Variants in ST3GAL3 observed in about 807,000 individuals in gnomAD.
ST3GAL3 encodes CMP-N-acetylneuraminate-beta-1,4-galactoside alpha-2,3-sialyltransferase.
Under a neutral mutation model 50.1 loss-of-function variants are expected in ST3GAL3, and 21 were observed. That is an observed-to-expected ratio of 0.42 (90% CI 0.30 to 0.60). The LOEUF (loss-of-function observed/expected upper bound fraction) is 0.60, where lower values mean the gene tolerates loss of function less well. ST3GAL3 is among the 20% of genes least tolerant of loss of function. The pLI is 0.19. For synonymous variants in ST3GAL3, 183 were observed against 190.0 expected, an observed-to-expected ratio of 0.96 and a Z score of 0.30; for missense variants, 353 against 489.4, an observed-to-expected ratio of 0.72 and a Z score of 2.63.
intron 9 of ST3GAL3, among the ~76,000 whole-genome samples, chr1:43,918,788 A>G (rs2082516812): frequency 6.6e-6 from 1 of 152,074 alleles, no homozygotes; most frequent in African/African-American, 2.4e-5. Context: ...TTAATCTGGG[A>G]GGAGCTGGCA....
At chr1:43,811,780 T>C (rs2060588598) in intron 3 of ST3GAL3, among the ~76,000 whole-genome samples, 1 of 152,174 alleles carries the variant, frequency 6.6e-6, no homozygotes, top group Non-Finnish European at 1.5e-5. Flanking sequence ...TTAGGCATCC[T>C]TCAGAGGCTG....
chr1:43,858,303 G>A (rs963971430), intron 5 of ST3GAL3: 1 of 1,275,314 alleles, frequency 7.8e-7, no homozygotes, highest in African/African-American at 1.5e-5. Context: ...AACTATGCTG[G>A]GAAAGGTGGG....
chr1:43,764,616 G>A lies in ST3GAL3; in HGVS notation c.119-27486G>A, dbSNP rs181419050. Among the ~76,000 whole-genome samples the A allele has an allele frequency of 2.9e-4, 44 of 152,356 alleles. No homozygotes were observed. The South Asian group carries it at 4.1e-3, about 14-fold the overall frequency. Reference sequence around the variant, plus strand: ...ATTGTATAGGGGGAAAAATCGGGCCGTGATTCAGTCTCAGTAAAAGGCCTC... The same window carrying A: ...ATTGTATAGGGGGAAAAATCGGGCCATGATTCAGTCTCAGTAAAAGGCCTC... On this transcript the variant is annotated intron_variant, in intron 2 of 11. Transcript: ENST00000347631.
chr1:43,764,945 A>G (rs1180820469), intron 2 of ST3GAL3, among the ~76,000 whole-genome samples: 1 of 152,252 alleles, frequency 6.6e-6, no homozygotes, highest in Non-Finnish European at 1.5e-5. Flanking sequence ...GTAGAGTAAT[A>G]GAAGACAGCT....
intron 2 of ST3GAL3, among the ~76,000 whole-genome samples, chr1:43,740,750 A>G (rs1680518820): frequency 6.6e-6 from 1 of 151,980 alleles, no homozygotes; most frequent in South Asian, 2.1e-4. Context: ...CAGGATTTCA[A>G]GGTTGCAGTG....
chr1:43,797,190 C>A (rs2058772277), intron 3 of ST3GAL3, among the ~76,000 whole-genome samples: 1 of 151,902 alleles, frequency 6.6e-6, no homozygotes, highest in Non-Finnish European at 1.5e-5. Flanking sequence ...GACAGTGAGA[C>A]CCTATCTCTA....
chr1:43,872,396 A>G lies in ST3GAL3; in HGVS notation c.303-21987A>G, dbSNP rs112153910. ...GTCTCAGGGCAGAGAGAGTCCTGCC[A>G]GGGCTGCTGGTGAGGCACCTGCTGC... On this transcript the variant is annotated intron_variant, in intron 5 of 11. Coordinates refer to ENST00000347631, the MANE Select transcript of ST3GAL3 (RefSeq NM_006279.5). Among the ~76,000 whole-genome samples the G allele has an allele frequency of 7.2e-3, 1,094 of 151,212 alleles. 14 individuals are homozygous for G. The highest frequency in any genetic ancestry group is 0.025 in the African/African-American group (1,039 of 41,062).
chr1:43,806,041 C>G (rs922119646), intron 3 of ST3GAL3, among the ~76,000 whole-genome samples: 1 of 151,952 alleles, frequency 6.6e-6, no homozygotes, highest in African/African-American at 2.4e-5. Context: ...GCAAGGAATA[C>G]TTTTCTAAAA....
intron 5 of ST3GAL3, chr1:43,879,318 C>CA (rs2074686220): frequency 2.2e-6 from 1 of 455,616 alleles, no homozygotes; most frequent in Admixed American, 2.4e-5. Context: ...TGTGGTTTGG[C>CA]TTTTTTTTGG....
chr1:43,851,012 A>C, intron 5 of ST3GAL3: 1 of 846,262 alleles, frequency 1.2e-6, no homozygotes. Flanking sequence ...TCAAATGGGG[A>C]GGGCACCACG....
intron 1 of ST3GAL3, among the ~76,000 whole-genome samples, chr1:43,730,031 A>G (rs976623416): frequency 3.9e-5 from 6 of 152,176 alleles, no homozygotes; most frequent in African/African-American, 1.2e-4. Context: ...CATCTCTCAC[A>G]GGATCTCGGG....
At chr1:43,907,621 G>A (rs1385639687) in intron 9 of ST3GAL3, among the ~76,000 whole-genome samples, 7 of 152,102 alleles carry the variant, frequency 4.6e-5, no homozygotes, top group African/African-American at 1.7e-4. Context: ...AAACTTACCT[G>A]CATCCCCATT....
intron 5 of ST3GAL3, chr1:43,839,007 A>G (rs1210646930): frequency 6.4e-6 from 1 of 156,538 alleles, no homozygotes; most frequent in Non-Finnish European, 1.4e-5. Context: ...GCTGAAGGAA[A>G]GGCTGCCTAG....
At chr1:43,894,150 C>A (rs974771123) in intron 5 of ST3GAL3, 7 of 555,832 alleles carry the variant, frequency 1.3e-5, no homozygotes, top group Non-Finnish European at 2.3e-5. Flanking sequence ...TCCACTCCTA[C>A]AGCTAGCCAA....
chr1:43,929,998 A>T, intron 11 of ST3GAL3, 134 bp from the exon 12 acceptor site: 1 of 791,484 alleles, frequency 1.3e-6, no homozygotes, highest in Middle Eastern at 2.2e-4. Context: ...GACACAACTG[A>T]TTACCAGTAT....
chr1:43,851,744 C>A, intron 5 of ST3GAL3: 1 of 966,328 alleles, frequency 1.0e-6, no homozygotes, highest in Admixed American at 1.9e-5. Flanking sequence ...TGCATGGGTC[C>A]GAAGCTGCCG....
At chr1:43,892,527 ATTT>A (rs2154265684) in intron 5 of ST3GAL3, among the ~76,000 whole-genome samples, 1 of 152,280 alleles carries the variant, frequency 6.6e-6, no homozygotes, top group Admixed American at 6.5e-5. Context: ...GGGTATTTTT[ATTT>A]TTTATGTGTG....
At chr1:43,777,987 C>T (rs55695044) in intron 2 of ST3GAL3, among the ~76,000 whole-genome samples, 41,864 of 152,054 alleles carry the variant, frequency 0.28, 5,962 homozygotes, top group Middle Eastern at 0.31. Context: ...CATACGTTCA[C>T]TGCAACACTG....
intron 3 of ST3GAL3, chr1:43,799,645 A>G (rs911821051): frequency 6.6e-6 from 1 of 152,316 alleles, no homozygotes; most frequent in African/African-American, 2.4e-5. Context: ...TCTTAATACT[A>G]TCACATTGGA....
Sources: allele counts gnomAD v4.1 joint callset (sites outside exome capture counted in the v4.1 genomes callset), GRCh38; gene constraint gnomAD v4.1.1; transcripts MANE v1.5; gene names NCBI Gene and HGNC (gene_info 2026-07-23, HGNC 2026-07-21).